RAB6B: variants seen among roughly 807,000 people sequenced by gnomAD.
The protein encoded by RAB6B is ras-related protein Rab-6B.
Under a neutral mutation model 31.2 loss-of-function variants are expected in RAB6B, and 7 were observed. The observed-to-expected ratio is 0.22, with a 90% CI of 0.13 to 0.42. RAB6B has a LOEUF of 0.42. RAB6B is among the 10% of genes least tolerant of loss of function. The probability of loss-of-function intolerance (pLI) is 1.00; values close to 1 mark genes in which losing one functional copy is unlikely to be tolerated. For synonymous variants in RAB6B, 105 were observed against 104.9 expected, an observed-to-expected ratio of 1.00 and a Z score of -0.01; for missense variants, 149 against 280.6, an observed-to-expected ratio of 0.53 and a Z score of 3.35.
chr3:133,834,111 T>C (rs532087404), intron 7 of RAB6B, among the ~76,000 whole-genome samples: 6 of 151,892 alleles, frequency 4.0e-5, no homozygotes, highest in African/African-American at 1.4e-4. Flanking sequence ...CCTCAGGAGC[T>C]GTTCAGGGCT....
In RAB6B at chr3:133,826,288, T is replaced by C. The variant is rs375916605; in HGVS notation, c.*2500A>G. The C allele has an allele frequency of 2.0e-5, 3 of 152,216 alleles. No individual in the cohort carries two copies. The highest frequency in any genetic ancestry group is 1.5e-5 in the Non-Finnish European group (1 of 68,054). The allele number at this position is 152,216 out of a possible 1,614,324, so 9.4% of individuals were successfully genotyped here. On this transcript the variant is annotated 3_prime_UTR_variant, in exon 8 of 8. Transcript: ENST00000285208. ...CTCACTAAGGCCATGTCAAACCAAA[T>C]GCTATCTTTTACTGCTCCTCTAGGC...
rs200553268 is a variant in RAB6B at position 133,828,754 on chromosome 3, G to T, written c.*34C>A. On this transcript the variant is annotated 3_prime_UTR_variant, in exon 8 of 8. Coordinates refer to ENST00000285208, the MANE Select transcript of RAB6B (RefSeq NM_016577.4). Reference sequence around the variant, plus strand: ...CAATAGGAAGCAACACAACAAGCAAGGAGTGTCATGGGAAGCCACAGGTCG... The same window carrying T: ...CAATAGGAAGCAACACAACAAGCAATGAGTGTCATGGGAAGCCACAGGTCG... 3 of 1,566,860 alleles carry T rather than the reference G, an allele frequency of 1.9e-6. No individual in the cohort carries two copies. The highest frequency in any genetic ancestry group is 1.7e-5 in the Admixed American group (1 of 59,920).
At chr3:133,846,560 T>A (rs1335824634) in intron 2 of RAB6B, among the ~76,000 whole-genome samples, 1 of 152,154 alleles carries the variant, frequency 6.6e-6, no homozygotes, top group Non-Finnish European at 1.5e-5. Context: ...ATTAGAAACA[T>A]CAACCCACAG....
chr3:133,875,186 T>C (rs1436224869), intron 1 of RAB6B, among the ~76,000 whole-genome samples: 1 of 152,224 alleles, frequency 6.6e-6, no homozygotes, highest in Non-Finnish European at 1.5e-5. Context: ...ACCAAAACAT[T>C]GCTATGCAGC....
At chr3:133,831,977 T>C (rs1038172767) in intron 7 of RAB6B, among the ~76,000 whole-genome samples, 4 of 152,102 alleles carry the variant, frequency 2.6e-5, no homozygotes, top group Non-Finnish European at 4.4e-5. Flanking sequence ...CATCAGAGAG[T>C]GCAACAGGGC....
chr3:133,871,653 C>T (rs759766527), intron 1 of RAB6B, among the ~76,000 whole-genome samples: 7 of 152,222 alleles, frequency 4.6e-5, no homozygotes, highest in Admixed American at 6.5e-5. Flanking sequence ...TTCTCCCTGT[C>T]GCCTCCACAG....
At position 133,884,689 on chromosome 3, in the gene RAB6B, G is replaced by T. The variant is rs187922356; in HGVS notation, c.70+10708C>A. ...TATAACTAATGACCAGAGGACGGGGGTGCTCACACACCCAGTGCCCAGAGG... is the reference window on the plus strand; with the variant it reads ...TATAACTAATGACCAGAGGACGGGGTTGCTCACACACCCAGTGCCCAGAGG... On this transcript the variant is annotated intron_variant, in intron 1 of 7. Coordinates refer to ENST00000285208, the MANE Select transcript of RAB6B (RefSeq NM_016577.4). 7.9e-5 allele frequency among the ~76,000 whole-genome samples: 12 copies of T among 152,070 alleles called. No homozygotes were observed. In the East Asian group the frequency reaches 1.6e-3, roughly 20 times the overall value.
At chr3:133,873,520 G>GC (rs1048526983) in intron 1 of RAB6B, among the ~76,000 whole-genome samples, 21 of 152,268 alleles carry the variant, frequency 1.4e-4, no homozygotes, top group African/African-American at 4.8e-4. Flanking sequence ...CCTGACCAAA[G>GC]CCCCAGCCGC....
At chr3:133,843,215 CCTTA>C (rs200563019) in intron 2 of RAB6B, among the ~76,000 whole-genome samples, 2,685 of 152,286 alleles carry the variant, frequency 0.018, 74 homozygotes, top group African/African-American at 0.06. Context: ...CCAATCAATC[CCTTA>C]CTTTGGAGAT....
intron 6 of RAB6B, among the ~76,000 whole-genome samples, chr3:133,836,291 T>C (rs931232048): frequency 4.6e-5 from 7 of 152,300 alleles, no homozygotes; most frequent in Admixed American, 2.6e-4. Flanking sequence ...TGAGCTTTCC[T>C]TCATGGCATT....
intron 2 of RAB6B, among the ~76,000 whole-genome samples, chr3:133,856,869 T>C (rs1233270668): frequency 6.6e-6 from 1 of 152,162 alleles, no homozygotes; most frequent in Non-Finnish European, 1.5e-5. Context: ...GCATTCAGAT[T>C]TCACGACATA....
intron 2 of RAB6B, among the ~76,000 whole-genome samples, chr3:133,849,733 G>T (rs1576397890): frequency 6.6e-6 from 1 of 152,254 alleles, no homozygotes; most frequent in East Asian, 1.9e-4. Flanking sequence ...ATTTCTGGGG[G>T]TCACAAACTA....
chr3:133,833,094 G>A (rs1207158211), intron 7 of RAB6B, among the ~76,000 whole-genome samples: 5 of 152,250 alleles, frequency 3.3e-5, no homozygotes, highest in East Asian at 3.9e-4. Context: ...AGCGGAGATC[G>A]CCTGCACCTT....
At chr3:133,885,433 T>C (rs114955794) in intron 1 of RAB6B, 9,448 of 697,268 alleles carry the variant, frequency 0.014, 133 homozygotes, top group Middle Eastern at 0.055. Context: ...GGACGGGAAC[T>C]CACATACCCA....
chr3:133,869,965 G>A (rs907177829), intron 1 of RAB6B, among the ~76,000 whole-genome samples: 1 of 152,154 alleles, frequency 6.6e-6, no homozygotes, highest in Non-Finnish European at 1.5e-5. Flanking sequence ...TTATTGTCTT[G>A]AGCCACTAAG....
chr3:133,825,660 T>C lies in RAB6B; in HGVS notation c.*3128A>G, dbSNP rs974879620. The C allele has an allele frequency of 1.3e-5, 2 of 152,188 alleles. No homozygotes were observed. The highest frequency in any genetic ancestry group is 2.9e-5 in the Non-Finnish European group (2 of 68,050). The allele number at this position is 152,188 out of a possible 1,614,324, so 9.4% of individuals were successfully genotyped here. ...GAACCAATGTGTTTCCACTTGTAAA[T>C]AGGCTGTTTGCTTTTTCCATCTTAC... On this transcript the variant is annotated 3_prime_UTR_variant, in exon 8 of 8. Transcript: ENST00000285208.
chr3:133,857,216 T>C (rs1299483659), intron 2 of RAB6B, among the ~76,000 whole-genome samples: 1 of 152,178 alleles, frequency 6.6e-6, no homozygotes, highest in Non-Finnish European at 1.5e-5. Context: ...CTTTAATACC[T>C]ATATGAGCCA....
chr3:133,885,330 A>G (rs887697370), intron 1 of RAB6B, among the ~76,000 whole-genome samples: 1 of 149,408 alleles, frequency 6.7e-6, no homozygotes, highest in African/African-American at 2.5e-5. Flanking sequence ...TAATGACCAG[A>G]GGACGGGGGA....
At chr3:133,851,949 C>T (rs1197031866) in intron 2 of RAB6B, among the ~76,000 whole-genome samples, 2 of 152,190 alleles carry the variant, frequency 1.3e-5, no homozygotes, top group Non-Finnish European at 2.9e-5. Flanking sequence ...GCAACCACAC[C>T]ACTAGAACTA....
Sources: allele counts gnomAD v4.1 joint callset (sites outside exome capture counted in the v4.1 genomes callset), GRCh38; gene constraint gnomAD v4.1.1; transcripts MANE v1.5; gene names NCBI Gene and HGNC (gene_info 2026-07-23, HGNC 2026-07-21).